The following PRR16 variants were observed in gnomAD, a reference collection of about 807,000 sequenced individuals.
PRR16 encodes protein Largen.
A neutral mutation model predicts 18.2 loss-of-function variants in PRR16; 6 were observed. That is an observed-to-expected ratio of 0.33 (90% CI 0.18 to 0.65). The LOEUF (loss-of-function observed/expected upper bound fraction) is 0.65, where lower values mean the gene tolerates loss of function less well. Ranked by LOEUF, PRR16 falls within the 30% of genes least tolerant of loss-of-function variation. The pLI is 0.74. For missense variants in PRR16, 412 were observed against 376.6 expected (o/e 1.09, Z -0.78); for synonymous variants, 151 against 147.8 (o/e 1.02, Z -0.16).
At chr5:120,701,631 G>C in the PRR16 span, among the ~76,000 whole-genome samples, 34 of 141,528 alleles carry the variant, frequency 2.4e-4, no homozygotes, top group African/African-American at 8.4e-4. Context: ...GATCTAGCTC[G>C]GCCTGGCAAG....
chr5:120,787,076 C>T, the PRR16 span, among the ~76,000 whole-genome samples: 1 of 152,176 alleles, frequency 6.6e-6, no homozygotes, highest in Non-Finnish European at 1.5e-5. Context: ...ATAGAGAATG[C>T]TTCAATTCAT....
chr5:120,792,353 A>G, the PRR16 span, among the ~76,000 whole-genome samples: 722 of 152,064 alleles, frequency 4.7e-3, 4 homozygotes, highest in South Asian at 0.015. Context: ...TTTTCTTTGA[A>G]TTTAGTCTGT....
intron 1 of PRR16, among the ~76,000 whole-genome samples, chr5:120,532,185 A>G (rs1309750095): frequency 6.6e-6 from 1 of 152,188 alleles, no homozygotes; most frequent in Non-Finnish European, 1.5e-5. Flanking sequence ...TTTCTTAGGC[A>G]TGATTACACA....
At position 120,590,856 on chromosome 5, in the gene PRR16, A is replaced by G. The variant is rs10051772; in HGVS notation, c.160-95098A>G. Among the ~76,000 whole-genome samples, 1,298 of 152,288 alleles carry G rather than the reference A, an allele frequency of 8.5e-3. 18 individuals carry two copies. The highest frequency in any genetic ancestry group is 0.03 in the African/African-American group (1,229 of 41,562). Reference sequence around the variant, plus strand: ...ATGAATAAAATGAATGTGTATATCAATTACTCATAATTGTTCACCACAGTT... The same window carrying G: ...ATGAATAAAATGAATGTGTATATCAGTTACTCATAATTGTTCACCACAGTT... On this transcript the variant is annotated intron_variant, in intron 1 of 1. Transcript: ENST00000407149.
chr5:120,480,978 T>C (rs1749592014), intron 1 of PRR16, among the ~76,000 whole-genome samples: 2 of 152,184 alleles, frequency 1.3e-5, no homozygotes, highest in South Asian at 4.1e-4. Context: ...ATTCACTTCA[T>C]GTCTTCAGAA....
chr5:120,545,446 G>A (rs1323748314), intron 1 of PRR16, among the ~76,000 whole-genome samples: 1 of 152,018 alleles, frequency 6.6e-6, no homozygotes, highest in Non-Finnish European at 1.5e-5. Context: ...ATGTATGGTG[G>A]TGGCTTTTAT....
chr5:120,525,235 G>T (rs1242353479), intron 1 of PRR16, among the ~76,000 whole-genome samples: 1 of 151,994 alleles, frequency 6.6e-6, no homozygotes, highest in Non-Finnish European at 1.5e-5. Context: ...GTTAAATCAG[G>T]TTGTCTTCAA....
At chr5:120,760,927 C>T in the PRR16 span, among the ~76,000 whole-genome samples, 2 of 151,974 alleles carry the variant, frequency 1.3e-5, no homozygotes, top group Non-Finnish European at 2.9e-5. Context: ...CTATTTGTAT[C>T]CTGAGATTAC....
the PRR16 span, among the ~76,000 whole-genome samples, chr5:120,726,189 T>G: frequency 8.3e-3 from 1,266 of 152,186 alleles, 17 homozygotes; most frequent in African/African-American, 0.029. Context: ...ATAAGGAAAG[T>G]TGGGATGTAA....
At chr5:120,560,083 A>T (rs1752529703) in intron 1 of PRR16, among the ~76,000 whole-genome samples, 1 of 152,000 alleles carries the variant, frequency 6.6e-6, no homozygotes, top group African/African-American at 2.4e-5. Context: ...ATCTACAAAC[A>T]TGGATAATTT....
the PRR16 span, among the ~76,000 whole-genome samples, chr5:120,747,363 C>A: frequency 6.6e-6 from 1 of 152,162 alleles, no homozygotes; most frequent in Non-Finnish European, 1.5e-5. Flanking sequence ...ATTAAGCACA[C>A]CAACTTTTAC....
chr5:120,658,915 C>G (rs2150136968), intron 1 of PRR16, among the ~76,000 whole-genome samples: 1 of 151,914 alleles, frequency 6.6e-6, no homozygotes, highest in African/African-American at 2.4e-5. Context: ...ATCTCTCTCT[C>G]CCTCCTGCCC....
chr5:120,734,577 T>C, the PRR16 span, among the ~76,000 whole-genome samples: 2 of 152,158 alleles, frequency 1.3e-5, no homozygotes, highest in African/African-American at 4.8e-5. Context: ...CTTATAGCAG[T>C]ACCTAGTAAA....
chr5:120,637,680 A>G (rs1488629706), intron 1 of PRR16, among the ~76,000 whole-genome samples: 3 of 152,010 alleles, frequency 2.0e-5, no homozygotes, highest in Admixed American at 6.6e-5. Flanking sequence ...ATAAAAGACT[A>G]TACATTGGGT....
At chr5:120,722,612 T>C in the PRR16 span, among the ~76,000 whole-genome samples, 4 of 151,940 alleles carry the variant, frequency 2.6e-5, no homozygotes, top group Non-Finnish European at 5.9e-5. Context: ...AAAATCCTGG[T>C]AAAAGAACTA....
At chr5:120,690,809 A>C (rs1399029465), downstream of PRR16, among the ~76,000 whole-genome samples, 1 of 152,144 alleles carries the variant, frequency 6.6e-6, no homozygotes, top group African/African-American at 2.4e-5. Flanking sequence ...CAGGAGTAGC[A>C]ATTATGTAGG....
the PRR16 span, among the ~76,000 whole-genome samples, chr5:120,694,480 C>G: frequency 6.6e-6 from 1 of 151,858 alleles, no homozygotes; most frequent in East Asian, 1.9e-4. Flanking sequence ...GTCAGGAGAT[C>G]GAGACCATCC....
chr5:120,727,774 C>T, the PRR16 span, among the ~76,000 whole-genome samples: 4 of 151,844 alleles, frequency 2.6e-5, no homozygotes, highest in Admixed American at 6.6e-5. Context: ...GATATCTAAA[C>T]ATGTAACATA....
chr5:120,777,132 G>T, the PRR16 span, among the ~76,000 whole-genome samples: 2 of 152,014 alleles, frequency 1.3e-5, no homozygotes, highest in African/African-American at 4.8e-5. Context: ...TAACACCAGG[G>T]CAAAGAGACA....
Sources: allele counts gnomAD v4.1 joint callset (sites outside exome capture counted in the v4.1 genomes callset), GRCh38; gene constraint gnomAD v4.1.1; transcripts MANE v1.5; gene names NCBI Gene and HGNC (gene_info 2026-07-23, HGNC 2026-07-21).